RUNX1T1: variants seen among roughly 807,000 people sequenced by gnomAD.
The protein encoded by RUNX1T1 is RUNX1 partner transcriptional co-repressor 1.
A neutral mutation model predicts 62.8 loss-of-function variants in RUNX1T1; 4 were observed. The ratio of observed to expected loss-of-function variants is 0.06; its 90% CI spans 0.03 to 0.15. RUNX1T1 has a LOEUF of 0.15. Ranked by LOEUF, RUNX1T1 falls within the 10% of genes least tolerant of loss-of-function variation. The pLI is 1.00. For synonymous variants in RUNX1T1, 291 were observed against 286.0 expected, an observed-to-expected ratio of 1.02 and a Z score of -0.18; for missense variants, 508 against 754.3, an observed-to-expected ratio of 0.67 and a Z score of 3.82.
chr8:92,071,656 C>T (rs1273850493), intron 2 of RUNX1T1, among the ~76,000 whole-genome samples: 1 of 152,124 alleles, frequency 6.6e-6, no homozygotes, highest in East Asian at 1.9e-4. Flanking sequence ...CTGACGCTGG[C>T]GGACAGACAG....
At chr8:92,061,112 G>C (rs965746961) in intron 1 of RUNX1T1, among the ~76,000 whole-genome samples, 2 of 152,236 alleles carry the variant, frequency 1.3e-5, no homozygotes, top group Non-Finnish European at 2.9e-5. Context: ...GCTAGAAGTA[G>C]CAAGGGTCCT....
At chr8:92,090,037 A>AAGT (rs1836749754) in intron 1 of RUNX1T1, among the ~76,000 whole-genome samples, 3 of 151,322 alleles carry the variant, frequency 2.0e-5, no homozygotes, top group African/African-American at 7.3e-5. Context: ...GAGAGTTGGG[A>AAGT]AGCCTAAGAA....
chr8:92,037,665 G>T (rs1587214533), intron 1 of RUNX1T1, among the ~76,000 whole-genome samples: 1 of 151,740 alleles, frequency 6.6e-6, no homozygotes, highest in African/African-American at 2.4e-5. Flanking sequence ...GGTGACAGAG[G>T]GAATCCATCT....
chr8:91,986,850 A>G (rs371427165), intron 7 of RUNX1T1, 37 bp downstream of exon 8: 2 of 1,392,898 alleles, frequency 1.4e-6, no homozygotes, highest in African/African-American at 2.8e-5. Flanking sequence ...TTGTTTTCCA[A>G]ACATTTTTTA....
intron 1 of RUNX1T1, among the ~76,000 whole-genome samples, chr8:92,054,013 C>G (rs182651743): frequency 6.6e-6 from 1 of 151,582 alleles, no homozygotes; most frequent in East Asian, 2.0e-4. Context: ...CCAGCAAAAC[C>G]ACCTACAAAG....
chr8:92,063,101 T>TA (rs35643156), upstream of RUNX1T1: 3,274 of 297,020 alleles, frequency 0.011, no homozygotes, highest in East Asian at 0.016. Context: ...GGAACTGTAT[T>TA]AAAAAAAAAA....
intron 1 of RUNX1T1, among the ~76,000 whole-genome samples, chr8:92,057,791 G>C (rs938396290): frequency 6.6e-6 from 1 of 152,130 alleles, no homozygotes; most frequent in Non-Finnish European, 1.5e-5. Context: ...AGTCATTTAA[G>C]TTAATGATTT....
chr8:91,974,869 T>C (rs1375416407), intron 9 of RUNX1T1, among the ~76,000 whole-genome samples: 1 of 152,158 alleles, frequency 6.6e-6, no homozygotes, highest in East Asian at 1.9e-4. Context: ...TCTTGGAAAA[T>C]GTATAAAAAT....
At chr8:91,962,439 A>C (rs1316457618) in intron 10 of RUNX1T1, among the ~76,000 whole-genome samples, 1 of 152,266 alleles carries the variant, frequency 6.6e-6, no homozygotes, top group African/African-American at 2.4e-5. Flanking sequence ...ATTTGAATGA[A>C]TAGTAGTAGA....
downstream of RUNX1T1, chr8:91,958,911 CTTCTT>C (rs555924507): frequency 8.0e-4 from 154 of 191,760 alleles, no homozygotes; most frequent in Non-Finnish European, 1.1e-3. Flanking sequence ...GATAGCTTTT[CTTCTT>C]TTCTTTTCTT....
chr8:92,052,880 T>C (rs1830446020), intron 1 of RUNX1T1, among the ~76,000 whole-genome samples: 1 of 152,214 alleles, frequency 6.6e-6, no homozygotes. Context: ...GTCTTTAATC[T>C]GTTTAGAAAA....
At chr8:91,984,713 G>A (rs1010809599) in intron 8 of RUNX1T1, among the ~76,000 whole-genome samples, 1 of 152,070 alleles carries the variant, frequency 6.6e-6, no homozygotes, top group African/African-American at 2.4e-5. Flanking sequence ...GCAAATCTCT[G>A]ATGATTAATC....
intron 2 of RUNX1T1, among the ~76,000 whole-genome samples, chr8:92,015,806 A>T (rs928149624): frequency 3.3e-5 from 5 of 152,224 alleles, no homozygotes; most frequent in Admixed American, 2.6e-4. Context: ...TGACATAATA[A>T]AATGGTTCTC....
At chr8:92,050,564 C>A (rs1385668053) in intron 1 of RUNX1T1, among the ~76,000 whole-genome samples, 1 of 152,158 alleles carries the variant, frequency 6.6e-6, no homozygotes, top group South Asian at 2.1e-4. Flanking sequence ...GAAACATACG[C>A]TAAATAACTG....
At chr8:92,102,838 C>T, upstream of RUNX1T1, 1 of 1,512,462 alleles carries the variant, frequency 6.6e-7, no homozygotes, top group South Asian at 1.2e-5. This position sits in a 1 kb window ranked among gnomAD's most constrained non-coding sequence, Gnocchi z 4.5. Flanking sequence ...GCCGGCCAAG[C>T]CCTACCGCGG....
chr8:92,032,037 G>A (rs554458803), intron 1 of RUNX1T1, among the ~76,000 whole-genome samples: 1 of 142,602 alleles, frequency 7.0e-6, no homozygotes. Flanking sequence ...AAGTTGCAGT[G>A]AGCCAAGATT....
At chr8:92,035,467 G>A (rs1464886829) in intron 1 of RUNX1T1, among the ~76,000 whole-genome samples, 1 of 151,854 alleles carries the variant, frequency 6.6e-6, no homozygotes, top group Non-Finnish European at 1.5e-5. Flanking sequence ...TGTAAGAAAT[G>A]CATCTGCACT....
chr8:92,077,937 T>C (rs1028348317), intron 1 of RUNX1T1, among the ~76,000 whole-genome samples: 5 of 152,164 alleles, frequency 3.3e-5, no homozygotes, highest in African/African-American at 1.2e-4. Flanking sequence ...AAATGATCTC[T>C]CAATTTGGAA....
At chr8:92,092,379 T>A (rs1027649672) in intron 1 of RUNX1T1, among the ~76,000 whole-genome samples, 5 of 152,324 alleles carry the variant, frequency 3.3e-5, no homozygotes, top group African/African-American at 4.8e-5. Flanking sequence ...ACTTATTTGA[T>A]TAGCAGTACT....
Sources: allele counts gnomAD v4.1 joint callset (sites outside exome capture counted in the v4.1 genomes callset), GRCh38; gene constraint gnomAD v4.1.1; non-coding constraint Gnocchi (gnomAD v3.1); transcripts MANE v1.5; gene names NCBI Gene and HGNC (gene_info 2026-07-23, HGNC 2026-07-21).